RXRG: variants seen among roughly 807,000 people sequenced by gnomAD.
The protein encoded by RXRG is retinoic acid receptor RXR-gamma.
Under a neutral mutation model 49.2 loss-of-function variants are expected in RXRG, and 19 were observed. That is an observed-to-expected ratio of 0.39 (90% CI 0.27 to 0.57). The LOEUF (loss-of-function observed/expected upper bound fraction) is 0.57, where lower values mean the gene tolerates loss of function less well. RXRG is among the 20% of genes least tolerant of loss of function. RXRG has a pLI of 0.64. For synonymous variants in RXRG, 224 were observed against 216.6 expected (o/e 1.03, Z -0.30); for missense variants, 452 against 592.5 (o/e 0.76, Z 2.46).
intron 1 of RXRG, among the ~76,000 whole-genome samples, chr1:165,440,467 A>C (rs1179607148): frequency 6.6e-6 from 1 of 152,222 alleles, no homozygotes; most frequent in Non-Finnish European, 1.5e-5. Context: ...AGCATCTATA[A>C]TCCAGAAATC....
chr1:165,436,914 A>C, intron 1 of RXRG: 2 of 1,110,766 alleles, frequency 1.8e-6, no homozygotes, highest in Non-Finnish European at 2.2e-6. Flanking sequence ...TAACAACCAA[A>C]CTTGAAAAGT....
Position 165,415,861 on chromosome 1 carries a change from G to A in RXRG, c.622+1180C>T, listed in dbSNP as rs112147803. On this transcript the variant is annotated intron_variant, in intron 4 of 9. Coordinates refer to ENST00000359842, the MANE Select transcript of RXRG (RefSeq NM_006917.5). ...ACAACCTGGCAGGGAAGGAGACACA[G>A]ACTAGGGCTGATCTGAAAGTCAGAG... 4.6e-5 allele frequency among the ~76,000 whole-genome samples: 7 copies of A among 152,290 alleles called. 1 individual carries two copies. Among genetic ancestry groups the A allele is most frequent in the African/African-American group, 1.7e-4 (7 of 41,544 alleles).
In RXRG at chr1:165,420,975, A is replaced by G. The variant is rs139541833; in HGVS notation, c.298-961T>C. On this transcript the variant is annotated intron_variant, in intron 2 of 9. Coordinates refer to ENST00000359842, the MANE Select transcript of RXRG (RefSeq NM_006917.5). ...AGTGGTTAGGAACTACTGACTTCCC[A>G]TGGTTTGTCTGAATTTTGAATCATA... Among the ~76,000 whole-genome samples, 715 of 152,364 alleles carry G rather than the reference A, an allele frequency of 4.7e-3. 11 individuals are homozygous for G. The highest frequency in any genetic ancestry group is 0.017 in the African/African-American group (691 of 41,580).
chr1:165,433,554 G>A (rs79986498), intron 1 of RXRG, among the ~76,000 whole-genome samples: 11 of 152,234 alleles, frequency 7.2e-5, no homozygotes, highest in South Asian at 4.1e-4. Flanking sequence ...ATGAAAAAGC[G>A]CTAGTGGAGT....
Position 165,409,606 on chromosome 1 carries a change from A to G in RXRG, c.998T>C (p.Val333Ala). 1.3e-6 allele frequency: 2 copies of G among 1,573,780 alleles called. No homozygotes were observed. Among genetic ancestry groups the G allele is most frequent in the African/African-American group, 2.7e-5 (2 of 72,832 alleles). Residue 333 changes from valine to alanine, a missense_variant, in exon 7 of 10, where the codon GTC (valine) becomes GCC (alanine). This residue lies in a region of RXRG where 286 missense variants were observed against 440.9 expected (regional missense o/e 0.65). Coordinates refer to ENST00000359842, the MANE Select transcript of RXRG (RefSeq NM_006917.5). ...DGILLATGLH[V>A]HRSSAHSAGV... The stretch of plus-strand genomic sequence containing the variant: ...AGCACTGTGGGCACTGCTCCGGTGG[A>G]CATGTAAACCCGTGGCCAGAAGGAT...
At chr1:165,432,131 G>C (rs957214648) in intron 1 of RXRG, among the ~76,000 whole-genome samples, 9 of 152,146 alleles carry the variant, frequency 5.9e-5, no homozygotes, top group African/African-American at 2.2e-4. Flanking sequence ...TGATGTGAAA[G>C]TGATTTGAAA....
At chr1:165,411,967 T>A (rs1192826705) in intron 4 of RXRG, among the ~76,000 whole-genome samples, 2 of 152,172 alleles carry the variant, frequency 1.3e-5, no homozygotes, top group Middle Eastern at 3.2e-3. Flanking sequence ...GAATTCAATA[T>A]TAGAACACAT....
At chr1:165,439,425 G>T (rs1387341135) in intron 1 of RXRG, among the ~76,000 whole-genome samples, 1 of 152,198 alleles carries the variant, frequency 6.6e-6, no homozygotes, top group Non-Finnish European at 1.5e-5. Flanking sequence ...TTCTCTGGGG[G>T]CTACATGAAT....
intron 9 of RXRG, among the ~76,000 whole-genome samples, chr1:165,406,133 A>G (rs967010466): frequency 3.3e-5 from 5 of 152,242 alleles, no homozygotes; most frequent in African/African-American, 1.2e-4. Context: ...ACTTTGGAAG[A>G]AAGTTTTGAG....
At chr1:165,438,211 C>A (rs745888601) in intron 1 of RXRG, among the ~76,000 whole-genome samples, 21 of 152,150 alleles carry the variant, frequency 1.4e-4, no homozygotes, top group African/African-American at 3.1e-4. Flanking sequence ...TAATCCAAGC[C>A]TCTAAAATCT....
chr1:165,423,709 C>A (rs184012), intron 2 of RXRG, among the ~76,000 whole-genome samples: 10 of 145,188 alleles, frequency 6.9e-5, no homozygotes, highest in Non-Finnish European at 1.2e-4. Context: ...TTGCTGGGGG[C>A]GGTGGGGAGG....
At chr1:165,423,178 G>T (rs1658376093) in intron 2 of RXRG, among the ~76,000 whole-genome samples, 1 of 152,306 alleles carries the variant, frequency 6.6e-6, no homozygotes, top group South Asian at 2.1e-4. Flanking sequence ...AATGGCAGAT[G>T]AGATCAAAGG....
intron 1 of RXRG, among the ~76,000 whole-genome samples, chr1:165,444,229 T>C (rs1041115437): frequency 6.6e-6 from 1 of 151,964 alleles, no homozygotes; most frequent in African/African-American, 2.4e-5. Context: ...ACTCTTGCAG[T>C]AGAATTGGGG....
chr1:165,419,824 C>A, intron 3 of RXRG, 46 bp downstream of exon 3: 2 of 1,507,896 alleles, frequency 1.3e-6, no homozygotes, highest in Non-Finnish European at 8.9e-7. Flanking sequence ...AGTGAGCAGC[C>A]CCTTCTCTGT....
intron 2 of RXRG, among the ~76,000 whole-genome samples, chr1:165,420,419 G>A (rs925218017): frequency 6.6e-6 from 1 of 152,122 alleles, no homozygotes; most frequent in Admixed American, 6.5e-5. Flanking sequence ...CGACCCTCAG[G>A]CTAAAGACTT....
In RXRG at chr1:165,409,679, A is replaced by G. The variant is rs948770666; in HGVS notation, c.925T>C (p.Leu309=). 6.5e-7 allele frequency: 1 copy of G among 1,527,954 alleles called. No homozygotes were observed. The highest frequency in any genetic ancestry group is 1.4e-5 in the African/African-American group (1 of 70,910). The allele number at this position is 1,527,954 out of a possible 1,614,324, so 94.6% of individuals were successfully genotyped here. The change falls in exon 7 of 10, where the codon TTG becomes CTG. Residue 309 remains leucine (L), a synonymous_variant. Coordinates refer to ENST00000359842, the MANE Select transcript of RXRG (RefSeq NM_006917.5). ...CGGTGGGAGAAAGAGGCAATCAGCA[A>G]TTCATTCCACCCTGCAAGGATAAGG... ...VILLRAGWNE[L]LIASFSHRSV... is the part of the protein sequence containing the mutation.
At chr1:165,417,970 G>A (rs6676763) in intron 3 of RXRG, among the ~76,000 whole-genome samples, 44,558 of 151,676 alleles carry the variant, frequency 0.29, 7,922 homozygotes, top group Non-Finnish European at 0.39. Flanking sequence ...AATTAGCCGC[G>A]CATGGTGGCA....
chr1:165,444,292 C>T (rs1659091409), intron 1 of RXRG, among the ~76,000 whole-genome samples: 1 of 152,106 alleles, frequency 6.6e-6, no homozygotes, highest in African/African-American at 2.4e-5. Flanking sequence ...GGAAAGAAAA[C>T]AGGGGAAGGA....
chr1:165,441,732 G>A (rs1453398393), intron 1 of RXRG, among the ~76,000 whole-genome samples: 2 of 152,166 alleles, frequency 1.3e-5, no homozygotes, highest in African/African-American at 4.8e-5. Context: ...TTGGATGGGG[G>A]GGATTACAGG....
Sources: gnomAD v4.1 joint callset for allele counts (sites outside exome capture counted in the v4.1 genomes callset) on GRCh38, gnomAD v4.1.1 for gene constraint, gnomAD v4.1.1 regional missense constraint, MANE v1.5 for transcripts, NCBI Gene and HGNC (gene_info 2026-07-23, HGNC 2026-07-21) for gene names.